Variants in ANKRD36C observed in about 807,000 individuals in gnomAD.
ANKRD36C encodes ankyrin repeat domain-containing protein 36C.
Under a neutral mutation model 276.4 loss-of-function variants are expected in ANKRD36C, and 61 were observed. That is an observed-to-expected ratio of 0.22 (90% CI 0.18 to 0.27). The LOEUF is 0.27. Ranked by LOEUF, ANKRD36C falls within the 10% of genes least tolerant of loss-of-function variation. ANKRD36C has a pLI of 1.00. For missense variants in ANKRD36C, 1,447 were observed against 2,032.3 expected (o/e 0.71, Z 5.54); for synonymous variants, 483 against 680.1 (o/e 0.71, Z 4.51).
At chr2:95,859,997 C>T in exon 61 of ANKRD36C, 4 of 1,548,768 alleles carry the variant, frequency 2.6e-6, no homozygotes, top group Non-Finnish European at 2.6e-6. Flanking sequence ...CTAAGTTGCT[C>T]ACAGTGATTA....
intron 24 of ANKRD36C, among the ~76,000 whole-genome samples, chr2:95,929,659 G>C (rs1046976116): frequency 1.3e-5 from 2 of 151,632 alleles, no homozygotes; most frequent in African/African-American, 4.8e-5. Flanking sequence ...TTTCATGCAA[G>C]ATATCAGTAT....
At chr2:95,853,780 A>G (rs1675345076) in exon 64 of ANKRD36C, 5 of 1,605,588 alleles carry the variant, frequency 3.1e-6, no homozygotes, top group Non-Finnish European at 4.3e-6. Context: ...CAGTGACGCG[A>G]TGAAGCATCC....
Position 95,884,324 on chromosome 2 carries a change from A to G in ANKRD36C, c.3192+16T>C. ...ATACAATTACTAGTTCACAATATAA[A>G]TAAGAGTTTAATTACCTTCAAGGCT... On this transcript the variant is annotated intron_variant, in intron 53 of 66. Coordinates refer to ENST00000456556, the Ensembl canonical transcript of ANKRD36C. 1.9e-6 allele frequency: 3 copies of G among 1,610,882 alleles called. No individual in the cohort carries two copies. Among genetic ancestry groups the G allele is most frequent in the South Asian group, 1.1e-5 (1 of 90,958 alleles).
At chr2:95,850,228 T>G (rs1275728399), downstream of ANKRD36C, among the ~76,000 whole-genome samples, 1 of 152,302 alleles carries the variant, frequency 6.6e-6, no homozygotes, top group Non-Finnish European at 1.5e-5. Flanking sequence ...TCAGCAACCA[T>G]GTGCTAAGGT....
chr2:95,930,720 A>G (rs1358522597), intron 24 of ANKRD36C, among the ~76,000 whole-genome samples: 1 of 151,398 alleles, frequency 6.6e-6, no homozygotes, highest in Admixed American at 6.6e-5. Flanking sequence ...CTTAAAATAC[A>G]TTCTTTGATT....
chr2:95,976,356 TTGAA>T (rs1212362160), intron 6 of ANKRD36C, among the ~76,000 whole-genome samples: 8 of 152,158 alleles, frequency 5.3e-5, no homozygotes, highest in Admixed American at 1.3e-4. Flanking sequence ...TGATTGAAAC[TTGAA>T]ACTCTCGAAA....
At chr2:95,987,605 CTTTTTTTTTTTTT>C (rs35536038) in intron 1 of ANKRD36C, among the ~76,000 whole-genome samples, 2 of 87,484 alleles carry the variant, frequency 2.3e-5, no homozygotes, top group East Asian at 4.3e-4. Flanking sequence ...CTTACAAAGA[CTTTTTTTTTTTTT>C]TTTTTTTTTT....
At chr2:95,942,985 A>C (rs1232245359) in intron 19 of ANKRD36C, among the ~76,000 whole-genome samples, 2 of 152,310 alleles carry the variant, frequency 1.3e-5, no homozygotes, top group Non-Finnish European at 2.9e-5. Flanking sequence ...TTACGATTCT[A>C]TAAAAATAGG....
At position 95,918,141 on chromosome 2, in the gene ANKRD36C, G is replaced by C. The variant is rs536139444; in HGVS notation, c.2246-99C>G. Reference sequence around the variant, plus strand: ...AGCATCAAGCTGTATCCTTCTGCCTGTACTAGTGTAGGCTCTGATGTCTTC... The same window carrying C: ...AGCATCAAGCTGTATCCTTCTGCCTCTACTAGTGTAGGCTCTGATGTCTTC... On this transcript the variant is annotated intron_variant, in intron 34 of 66. Coordinates refer to ENST00000456556, the Ensembl canonical transcript of ANKRD36C. 8.0e-6 allele frequency: 12 copies of C among 1,502,712 alleles called. No individual in the cohort carries two copies. The African/African-American group carries it at 1.6e-4, about 21-fold the overall frequency. 93.1% of individuals were successfully genotyped at this position (1,502,712 alleles called of 1,614,324 possible).
At position 95,920,358 on chromosome 2, in the gene ANKRD36C, C is replaced by A. The variant is rs1473111500; in HGVS notation, c.2245+1249G>T. 7.6e-5 allele frequency among the ~76,000 whole-genome samples: 10 copies of A among 132,010 alleles called. 4 individuals are homozygous for A. Among genetic ancestry groups the A allele is most frequent in the African/African-American group, 2.6e-4 (10 of 37,914 alleles). 86.6% of individuals were successfully genotyped at this position (132,010 alleles called of 152,430 possible). ...AACATTCATCATGCTCTTTAACTTG[C>A]CCAATAACTGAGAAGGCACACAGTT... On this transcript the variant is annotated intron_variant, in intron 34 of 66. Coordinates refer to ENST00000456556, the Ensembl canonical transcript of ANKRD36C.
At chr2:95,864,969 T>C (rs1675656435) in intron 60 of ANKRD36C, among the ~76,000 whole-genome samples, 1 of 152,092 alleles carries the variant, frequency 6.6e-6, no homozygotes, top group Non-Finnish European at 1.5e-5. Context: ...TTAACTGTAT[T>C]TCTATATGCT....
At chr2:95,873,928 A>G (rs1675876821) in intron 59 of ANKRD36C, among the ~76,000 whole-genome samples, 1 of 152,224 alleles carries the variant, frequency 6.6e-6, no homozygotes, top group Non-Finnish European at 1.5e-5. Flanking sequence ...CCCATTCACA[A>G]TTGCTTCAAA....
chr2:95,989,420 G>T (rs540427945), intron 1 of ANKRD36C, among the ~76,000 whole-genome samples: 1 of 152,148 alleles, frequency 6.6e-6, no homozygotes, highest in East Asian at 1.9e-4. Flanking sequence ...TAGATTGTTT[G>T]TGTGTATGTA....
intron 8 of ANKRD36C, among the ~76,000 whole-genome samples, chr2:95,961,185 C>T (rs1439015729): frequency 6.6e-5 from 10 of 151,936 alleles, no homozygotes; most frequent in South Asian, 2.1e-4. Flanking sequence ...GTGGAAGTGT[C>T]CCGAATTGAT....
chr2:95,885,949 A>T (rs1284177950), intron 52 of ANKRD36C, 99 bp downstream of exon 72: 254 of 1,549,804 alleles, frequency 1.6e-4, no homozygotes, highest in Non-Finnish European at 2.1e-4. Context: ...TGCTGAATCC[A>T]AACATAAAGC....
chr2:95,916,207 T>C (rs1357836659), intron 36 of ANKRD36C, 36 bp from the exon 39 acceptor site: 3 of 1,601,152 alleles, frequency 1.9e-6, no homozygotes, highest in Non-Finnish European at 2.5e-6. Context: ...CACTCACTCG[T>C]AAATATGATA....
At chr2:95,858,762 T>C (rs1347749851) in intron 61 of ANKRD36C, among the ~76,000 whole-genome samples, 1 of 152,184 alleles carries the variant, frequency 6.6e-6, no homozygotes, top group African/African-American at 2.4e-5. Context: ...GTTAAGAATG[T>C]AATATGTTAC....
At chr2:95,902,956 A>C in intron 42 of ANKRD36C, 1 of 1,589,456 alleles carries the variant, frequency 6.3e-7, no homozygotes, top group South Asian at 1.1e-5. Context: ...CGTCTCTTGT[A>C]GCCTGAATGG....
chr2:95,889,607 A>T (rs559151889), intron 48 of ANKRD36C, among the ~76,000 whole-genome samples, 192 bp downstream of exon 68: 6 of 151,598 alleles, frequency 4.0e-5, no homozygotes, highest in African/African-American at 1.4e-4. Context: ...CAGACATCTA[A>T]AATCTTAGTA....
Sources: allele counts gnomAD v4.1 joint callset (sites outside exome capture counted in the v4.1 genomes callset), GRCh38; gene constraint gnomAD v4.1.1; transcripts MANE v1.5; gene names NCBI Gene and HGNC (gene_info 2026-07-23, HGNC 2026-07-21).